Variants in XKR6 observed in about 807,000 individuals in gnomAD.
XKR6 encodes the protein XK related 6, also known as XK-related protein 6.
XKR6 carries 22 observed loss-of-function variants against 56.7 expected under a neutral mutation model. The observed-to-expected ratio is 0.39, with a 90% CI of 0.28 to 0.55. The LOEUF (loss-of-function observed/expected upper bound fraction) is 0.55. Ranked by LOEUF, XKR6 falls within the 20% of genes least tolerant of loss-of-function variation. The pLI is 0.66. For missense variants in XKR6, 852 were observed against 889.0 expected (o/e 0.96, Z 0.53); for synonymous variants, 524 against 387.8 (o/e 1.35, Z -4.13).
intron 1 of XKR6, among the ~76,000 whole-genome samples, chr8:11,051,334 T>G (rs1416939953): frequency 6.6e-6 from 1 of 151,900 alleles, no homozygotes; most frequent in Non-Finnish European, 1.5e-5. Context: ...CCTCGGTACT[T>G]TCCTTCCGAC....
intron 1 of XKR6, among the ~76,000 whole-genome samples, chr8:11,170,044 G>T (rs536270229): frequency 6.6e-6 from 1 of 152,228 alleles, no homozygotes; most frequent in South Asian, 2.1e-4. Context: ...TGGATCTGAC[G>T]TTAGATCTAA....
At chr8:10,960,633 G>A (rs571010400) in intron 1 of XKR6, among the ~76,000 whole-genome samples, 1 of 152,194 alleles carries the variant, frequency 6.6e-6, no homozygotes, top group Admixed American at 6.5e-5. Context: ...TCAATTTACA[G>A]ATAAGGAAAC....
At chr8:11,149,025 G>A (rs1046459042) in intron 1 of XKR6, among the ~76,000 whole-genome samples, 1 of 152,146 alleles carries the variant, frequency 6.6e-6, no homozygotes, top group Non-Finnish European at 1.5e-5. Flanking sequence ...GACAGGGAGG[G>A]GATTACAAAG....
chr8:10,912,527 G>C (rs1306561973), intron 2 of XKR6, among the ~76,000 whole-genome samples: 1 of 137,360 alleles, frequency 7.3e-6, no homozygotes, highest in Non-Finnish European at 1.6e-5. Flanking sequence ...TAGAGAGAGT[G>C]AGTATATATA....
At chr8:10,992,287 T>TCACACA (rs113725403) in intron 1 of XKR6, among the ~76,000 whole-genome samples, 1 of 149,794 alleles carries the variant, frequency 6.7e-6, no homozygotes, top group Non-Finnish European at 1.5e-5. Context: ...TCTCTCTCTC[T>TCACACA]CACACACACA....
At chr8:11,022,302 C>T (rs530890970) in intron 1 of XKR6, among the ~76,000 whole-genome samples, 1 of 152,112 alleles carries the variant, frequency 6.6e-6, no homozygotes, top group South Asian at 2.1e-4. Flanking sequence ...TAACCAAGCC[C>T]CATTGTTCCA....
intron 1 of XKR6, among the ~76,000 whole-genome samples, chr8:11,103,633 A>T (rs561570206): frequency 2.0e-5 from 3 of 152,258 alleles, no homozygotes; most frequent in Admixed American, 2.0e-4. Context: ...AGAAAATCCT[A>T]ATTCCTAAGG....
chr8:11,190,748 G>C (rs938934067), intron 1 of XKR6, among the ~76,000 whole-genome samples: 1 of 152,170 alleles, frequency 6.6e-6, no homozygotes, highest in Admixed American at 6.5e-5. Flanking sequence ...CAGAGGTAAA[G>C]CAAACTAATT....
At chr8:10,997,111 A>G (rs1225521508) in intron 1 of XKR6, among the ~76,000 whole-genome samples, 1 of 152,140 alleles carries the variant, frequency 6.6e-6, no homozygotes, top group African/African-American at 2.4e-5. Flanking sequence ...CAGTGTCCTC[A>G]TTATTTCTTT....
At position 11,017,377 on chromosome 8, in the gene XKR6, G is replaced by A. The variant is rs983525079; in HGVS notation, c.765-92547C>T. Among the ~76,000 whole-genome samples the A allele has an allele frequency of 1.1e-4, 16 of 152,244 alleles. No homozygotes were observed. In the East Asian group the frequency reaches 2.1e-3, roughly 20 times the overall value. ...AAGCTGCAGGTTTTCAGCTGCTTAC[G>A]CCGGGCAAACTGTAAAGTGCTTTAA... On this transcript the variant is annotated intron_variant, in intron 1 of 2. Coordinates refer to ENST00000416569, the MANE Select transcript of XKR6 (RefSeq NM_173683.4).
At chr8:11,174,296 C>T (rs1802541985) in intron 1 of XKR6, among the ~76,000 whole-genome samples, 1 of 152,246 alleles carries the variant, frequency 6.6e-6, no homozygotes, top group African/African-American at 2.4e-5. Flanking sequence ...TTCCAGATGG[C>T]AAGCGACACT....
At chr8:11,179,027 T>C (rs867576213) in intron 1 of XKR6, among the ~76,000 whole-genome samples, 4 of 146,656 alleles carry the variant, frequency 2.7e-5, no homozygotes, top group Admixed American at 6.7e-5. Flanking sequence ...TTTCTTTTTT[T>C]TTTTTTTTTT....
chr8:11,148,235 A>C (rs1801091363), intron 1 of XKR6, among the ~76,000 whole-genome samples: 1 of 152,126 alleles, frequency 6.6e-6, no homozygotes, highest in African/African-American at 2.4e-5. Context: ...AACAAACAAA[A>C]AAAAACTAAA....
intron 1 of XKR6, chr8:11,123,664 T>C (rs931796814): frequency 2.6e-5 from 9 of 342,580 alleles, no homozygotes; most frequent in South Asian, 2.1e-4. Flanking sequence ...CTCAAATATA[T>C]CTTTATGTAT....
At chr8:11,151,546 C>T (rs545992324) in intron 1 of XKR6, among the ~76,000 whole-genome samples, 38 of 152,308 alleles carry the variant, frequency 2.5e-4, no homozygotes, top group African/African-American at 4.3e-4. Context: ...CAAGATGTGA[C>T]ATTTCCCTAA....
chr8:11,099,877 G>A (rs1186004104), intron 1 of XKR6, among the ~76,000 whole-genome samples: 2 of 152,144 alleles, frequency 1.3e-5, no homozygotes, highest in African/African-American at 4.8e-5. Context: ...CCCTCTCTGC[G>A]GAGGAGACAA....
chr8:10,973,738 G>A (rs558954512), intron 1 of XKR6, among the ~76,000 whole-genome samples: 3 of 152,236 alleles, frequency 2.0e-5, no homozygotes, highest in Non-Finnish European at 4.4e-5. Flanking sequence ...ATGCCACCAG[G>A]CCCAGCTAAT....
chr8:11,078,971 A>G (rs1800344305), intron 1 of XKR6, among the ~76,000 whole-genome samples: 1 of 152,220 alleles, frequency 6.6e-6, no homozygotes, highest in African/African-American at 2.4e-5. Flanking sequence ...GACCTGGGTC[A>G]CCTCAGGACC....
intron 1 of XKR6, among the ~76,000 whole-genome samples, chr8:11,061,596 T>TTCAG (rs1213310875): frequency 1.3e-5 from 2 of 151,868 alleles, no homozygotes; most frequent in East Asian, 3.9e-4. Context: ...TGCACATCCG[T>TTCAG]TCATTCATTC....
Sources: allele counts gnomAD v4.1 joint callset (sites outside exome capture counted in the v4.1 genomes callset), GRCh38; gene constraint gnomAD v4.1.1; transcripts MANE v1.5; gene names NCBI Gene and HGNC (gene_info 2026-07-23, HGNC 2026-07-21).